ABCC1: variants seen among roughly 807,000 people sequenced by gnomAD.
The protein encoded by ABCC1 is ATP binding cassette subfamily C member 1 (ABCC1 blood group), also known as multidrug resistance-associated protein 1.
A neutral mutation model predicts 172.9 loss-of-function variants in ABCC1; 83 were observed. The ratio of observed to expected loss-of-function variants is 0.48; its 90% CI spans 0.40 to 0.58. The LOEUF is 0.58. Ranked by LOEUF, ABCC1 falls within the 20% of genes least tolerant of loss-of-function variation. The pLI is 0.00. For synonymous variants in ABCC1, 937 were observed against 825.2 expected (o/e 1.14, Z -2.32); for missense variants, 1,817 against 2,002.7 (o/e 0.91, Z 1.77).
At chr16:15,967,601 T>A (rs115226371) in intron 1 of ABCC1, among the ~76,000 whole-genome samples, 23,648 of 145,304 alleles carry the variant, frequency 0.16, 2,087 homozygotes, top group Non-Finnish European at 0.19. Flanking sequence ...TAATAATTAT[T>A]ATTATTATTA....
At chr16:16,135,286 A>C (rs2045877190) in intron 28 of ABCC1, among the ~76,000 whole-genome samples, 3 of 152,144 alleles carry the variant, frequency 2.0e-5, no homozygotes, top group Non-Finnish European at 4.4e-5. Flanking sequence ...AGAGTACCCG[A>C]GAGAGAGTAG....
chr16:16,020,044 C>T (rs1192588547), intron 5 of ABCC1, among the ~76,000 whole-genome samples: 1 of 152,168 alleles, frequency 6.6e-6, no homozygotes, highest in Non-Finnish European at 1.5e-5. Context: ...GCCTCAGCCT[C>T]CTGAGTAACT....
intron 19 of ABCC1, chr16:16,094,219 A>C: frequency 3.6e-6 from 1 of 276,180 alleles, no homozygotes; most frequent in South Asian, 4.1e-5. Flanking sequence ...CGGCGACGCA[A>C]CTTAGGTGCT....
chr16:16,002,453 A>G (rs183448382), intron 1 of ABCC1, among the ~76,000 whole-genome samples: 1 of 152,320 alleles, frequency 6.6e-6, no homozygotes, highest in African/African-American at 2.4e-5. Flanking sequence ...TATCAAGAAT[A>G]AAACACATCT....
chr16:15,964,827 A>G (rs887330519), intron 1 of ABCC1, among the ~76,000 whole-genome samples: 4 of 152,108 alleles, frequency 2.6e-5, no homozygotes, highest in African/African-American at 9.7e-5. Context: ...ATATATTTTC[A>G]TCTGCATTTC....
chr16:16,103,061 G>C (rs1281569329), intron 20 of ABCC1, among the ~76,000 whole-genome samples: 1 of 152,138 alleles, frequency 6.6e-6, no homozygotes, highest in African/African-American at 2.4e-5. Flanking sequence ...ATTTAAAACT[G>C]TCTCAAGGCC....
chr16:16,073,806 C>G (rs2050446457), intron 14 of ABCC1, among the ~76,000 whole-genome samples: 1 of 152,206 alleles, frequency 6.6e-6, no homozygotes, highest in Non-Finnish European at 1.5e-5. Context: ...TTGCCTGTGG[C>G]TACCCAGGTA....
Position 16,009,945 on chromosome 16 carries a change from C to A in ABCC1, c.351+44C>A, listed in dbSNP as rs754478236. 6 of 1,451,974 alleles carry A rather than the reference C, an allele frequency of 4.1e-6. No individual in the cohort carries two copies. The South Asian group carries it at 8.5e-5, about 21-fold the overall frequency. The allele number at this position is 1,451,974 out of a possible 1,614,324, so 89.9% of individuals were successfully genotyped here. A position where few individuals can be genotyped will look rare whatever the true frequency, so the allele number is the denominator to read the frequency against. ...TGACCCCTGGGCCATCTGCTGGGCT[C>A]AGTGGAGACCAAAAGTAATAACTCG... On this transcript the variant is annotated intron_variant, in intron 3 of 30. Coordinates refer to ENST00000399410, the MANE Select transcript of ABCC1 (RefSeq NM_004996.4).
chr16:16,069,516 C>T (rs2050250779), intron 13 of ABCC1, among the ~76,000 whole-genome samples: 1 of 152,070 alleles, frequency 6.6e-6, no homozygotes. Context: ...CACTTTTCTG[C>T]ACTGTTTTCA....
chr16:16,106,729 C>T lies in ABCC1; in HGVS notation c.2736-9C>T. 1.2e-6 allele frequency: 2 copies of T among 1,613,924 alleles called. No homozygotes were observed. On this transcript the variant is annotated splice_polypyrimidine_tract_variant and intron_variant, in intron 20 of 30. Transcript: ENST00000399410. ...GTACGGTTGACACCCTTGTGCTTTG[C>T]TTCTCCAGACAGCTCAGCAGCTCCT...
At chr16:16,121,685 G>A (rs1314191336) in intron 23 of ABCC1, among the ~76,000 whole-genome samples, 1 of 152,174 alleles carries the variant, frequency 6.6e-6, no homozygotes, top group African/African-American at 2.4e-5. Flanking sequence ...GAGCACCTCA[G>A]GTTTTTTGTG....
intron 21 of ABCC1, among the ~76,000 whole-genome samples, chr16:16,107,978 G>A (rs2052210374): frequency 6.6e-6 from 1 of 151,822 alleles, no homozygotes; most frequent in Admixed American, 6.6e-5. Flanking sequence ...GAGCTTCCGA[G>A]GACTGTCTGT....
chr16:16,103,892 G>C (rs2051911989), intron 20 of ABCC1, among the ~76,000 whole-genome samples: 1 of 152,292 alleles, frequency 6.6e-6, no homozygotes, highest in East Asian at 1.9e-4. Context: ...GAGTGTTACA[G>C]TTCTTAAAGG....
At chr16:16,034,023 C>CTTTTTTTTTTTTTTTTTT (rs10580146) in intron 6 of ABCC1, among the ~76,000 whole-genome samples, 1 of 86,830 alleles carries the variant, frequency 1.2e-5, no homozygotes, top group Non-Finnish European at 2.1e-5. Flanking sequence ...TAAGCATCAT[C>CTTTTTTTTTTTTTTTTTT]TTTTTTTTTT....
At chr16:16,071,838 C>A in intron 14 of ABCC1, 109 bp downstream of exon 14, 2 of 1,003,830 alleles carry the variant, frequency 2.0e-6, no homozygotes, top group Non-Finnish European at 3.0e-6. Context: ...TTTGACTCTG[C>A]CCAGCCGCTT....
chr16:16,076,654 C>T (rs948212392), intron 15 of ABCC1, among the ~76,000 whole-genome samples: 3 of 152,230 alleles, frequency 2.0e-5, no homozygotes, highest in African/African-American at 7.2e-5. Flanking sequence ...GACAGCTAGA[C>T]TTAGACAATA....
At chr16:16,025,270 C>T (rs1255774589) in intron 5 of ABCC1, among the ~76,000 whole-genome samples, 2 of 152,194 alleles carry the variant, frequency 1.3e-5, no homozygotes, top group Non-Finnish European at 2.9e-5. Context: ...GATGATCAGT[C>T]TCCCCACTTG....
intron 5 of ABCC1, among the ~76,000 whole-genome samples, chr16:16,022,546 C>A (rs1330474561): frequency 3.3e-5 from 5 of 152,118 alleles, no homozygotes; most frequent in Admixed American, 6.6e-5. Flanking sequence ...TGCTCGACAT[C>A]CCCCGGAAGC....
At chr16:15,999,769 T>TTCTCTTTCTCTCTCTC (rs2047186647) in intron 1 of ABCC1, among the ~76,000 whole-genome samples, 2 of 25,364 alleles carry the variant, frequency 7.9e-5, no homozygotes, top group African/African-American at 2.1e-4. Context: ...CCCGGCCTCT[T>TTCTCTTTCTCTCTCTC]TCTCTCTCTC....
Sources: gnomAD v4.1 joint callset for allele counts (sites outside exome capture counted in the v4.1 genomes callset) on GRCh38, gnomAD v4.1.1 for gene constraint, MANE v1.5 for transcripts, NCBI Gene and HGNC (gene_info 2026-07-23, HGNC 2026-07-21) for gene names.